BRINP2: variants seen among roughly 807,000 people sequenced by gnomAD.
The protein encoded by BRINP2 is BMP/retinoic acid-inducible neural-specific protein 2.
A neutral mutation model predicts 69.2 loss-of-function variants in BRINP2; 21 were observed. That is an observed-to-expected ratio of 0.30 (90% CI 0.22 to 0.44). The LOEUF (loss-of-function observed/expected upper bound fraction) is 0.44, where lower values mean the gene tolerates loss of function less well. BRINP2 is among the 20% of genes least tolerant of loss of function. The pLI is 1.00. For synonymous variants in BRINP2, 380 were observed against 394.1 expected (o/e 0.96, Z 0.42); for missense variants, 877 against 986.0 (o/e 0.89, Z 1.48).
rs555534354 is a variant in BRINP2, at chr1:177,180,567, T to C, written c.-77+8835T>C. 1.7e-4 allele frequency among the ~76,000 whole-genome samples: 26 copies of C among 152,272 alleles called. 1 individual carries two copies. Among genetic ancestry groups the C allele is most frequent in the Admixed American group, 4.6e-4 (7 of 15,302 alleles). ...ACATATTCACAGTGGTTTTCATCTC[T>C]CAAAAAAGCAGTGGAAGACTTTCAT... On this transcript the variant is annotated intron_variant, in intron 1 of 7. Transcript: ENST00000361539.
chr1:177,280,135 A>C (rs1651642903), intron 7 of BRINP2, among the ~76,000 whole-genome samples: 1 of 152,218 alleles, frequency 6.6e-6, no homozygotes, highest in East Asian at 1.9e-4. Context: ...TTTTTGAATA[A>C]GGGAATGAAG....
At chr1:177,265,920 A>C (rs1400695765) in intron 4 of BRINP2, among the ~76,000 whole-genome samples, 1 of 151,870 alleles carries the variant, frequency 6.6e-6, no homozygotes, top group Non-Finnish European at 1.5e-5. Context: ...GGAGATGGAG[A>C]CCATCCTGGC....
At chr1:177,190,130 A>G (rs2102295909) in intron 1 of BRINP2, among the ~76,000 whole-genome samples, 1 of 152,352 alleles carries the variant, frequency 6.6e-6, no homozygotes, top group Non-Finnish European at 1.5e-5. Flanking sequence ...ACTCCAGACT[A>G]GAATGATAGG....
chr1:177,215,932 G>A (rs1481556688), intron 1 of BRINP2, among the ~76,000 whole-genome samples: 2 of 151,932 alleles, frequency 1.3e-5, no homozygotes, highest in Non-Finnish European at 2.9e-5. Context: ...TTTTGTCTAA[G>A]TATCACTGCC....
At chr1:177,196,496 T>C (rs931427184) in intron 1 of BRINP2, among the ~76,000 whole-genome samples, 4 of 152,068 alleles carry the variant, frequency 2.6e-5, no homozygotes, top group African/African-American at 4.8e-5. Flanking sequence ...TGCATGCCTG[T>C]AATCCCAGCT....
intron 2 of BRINP2, among the ~76,000 whole-genome samples, chr1:177,235,319 G>A (rs148755285): frequency 6.6e-5 from 10 of 152,260 alleles, no homozygotes; most frequent in African/African-American, 1.4e-4. Context: ...AGCACAGAAC[G>A]TGTACTGGAA....
At chr1:177,233,667 T>A (rs1318796257) in intron 2 of BRINP2, among the ~76,000 whole-genome samples, 2 of 152,172 alleles carry the variant, frequency 1.3e-5, no homozygotes, top group Non-Finnish European at 2.9e-5. Context: ...GGAACTCAAC[T>A]GAAGAATAAT....
intron 1 of BRINP2, among the ~76,000 whole-genome samples, chr1:177,197,910 G>T (rs1427039748): frequency 6.6e-6 from 1 of 152,134 alleles, no homozygotes; most frequent in Non-Finnish European, 1.5e-5. Context: ...AGAGAAAGGT[G>T]TTTCCACTTT....
At chr1:177,176,821 A>G (rs526814) in intron 1 of BRINP2, among the ~76,000 whole-genome samples, 152,061 of 152,264 alleles carry the variant, frequency 1, 75,930 homozygotes, top group Middle Eastern at 1. Flanking sequence ...GGGAAGCATT[A>G]CAGCTCTCAG....
At chr1:177,197,522 G>A (rs1235270383) in intron 1 of BRINP2, among the ~76,000 whole-genome samples, 2 of 152,210 alleles carry the variant, frequency 1.3e-5, no homozygotes, top group Non-Finnish European at 2.9e-5. Flanking sequence ...GAGAAGCCAT[G>A]TGAGGACATA....
Position 177,172,975 on chromosome 1 carries a change from A to G in BRINP2, c.-77+1243A>G, listed in dbSNP as rs115173135. On this transcript the variant is annotated intron_variant, in intron 1 of 7. Coordinates refer to ENST00000361539, the MANE Select transcript of BRINP2 (RefSeq NM_021165.4). ...GTGCATGTTGAAGTGACTCTCTCTG[A>G]CCATGCTCGCTAAAATACATGCAAT... is the stretch of plus-strand genomic sequence containing the variant. Among the ~76,000 whole-genome samples the G allele has an allele frequency of 8.6e-3, 1,305 of 152,292 alleles. 25 individuals are homozygous for G. Among genetic ancestry groups the G allele is most frequent in the African/African-American group, 0.029 (1,188 of 41,572 alleles).
At position 177,215,433 on chromosome 1, in the gene BRINP2, C is replaced by T. The variant is rs529230651; in HGVS notation, c.-76-14368C>T. Among the ~76,000 whole-genome samples the T allele has an allele frequency of 9.9e-5, 15 of 152,220 alleles. No individual in the cohort carries two copies. In the East Asian group the frequency reaches 2.1e-3, roughly 22 times the overall value. Reference sequence around the variant, plus strand: ...GAGTTCACTTCATTGATTAAATTTACTCCTAATTTTTTTATAGCCATTGTA... The same window carrying T: ...GAGTTCACTTCATTGATTAAATTTATTCCTAATTTTTTTATAGCCATTGTA... On this transcript the variant is annotated intron_variant, in intron 1 of 7. Coordinates refer to ENST00000361539, the MANE Select transcript of BRINP2 (RefSeq NM_021165.4).
intron 4 of BRINP2, among the ~76,000 whole-genome samples, chr1:177,267,034 G>A (rs548367251): frequency 6.6e-6 from 1 of 152,136 alleles, no homozygotes; most frequent in African/African-American, 2.4e-5. Flanking sequence ...GTGGGTAAAG[G>A]TTTGTTGAAT....
intron 1 of BRINP2, among the ~76,000 whole-genome samples, chr1:177,217,578 C>T (rs1444656077): frequency 2.6e-5 from 4 of 151,952 alleles, no homozygotes; most frequent in South Asian, 4.1e-4. Flanking sequence ...ATCCTTGTAT[C>T]CTTGTATCGG....
chr1:177,241,693 T>G (rs982279339), intron 2 of BRINP2, among the ~76,000 whole-genome samples: 3 of 152,222 alleles, frequency 2.0e-5, no homozygotes, highest in African/African-American at 7.2e-5. Flanking sequence ...ACTCAAGAAT[T>G]TTGTCATGGA....
At chr1:177,183,265 A>G (rs1305009740) in intron 1 of BRINP2, among the ~76,000 whole-genome samples, 1 of 151,514 alleles carries the variant, frequency 6.6e-6, no homozygotes, top group East Asian at 1.9e-4. Context: ...AAGAAAAAAA[A>G]AAGCCACAAC....
intron 7 of BRINP2, 55 bp downstream of exon 7, chr1:177,278,840 T>C: frequency 6.4e-7 from 1 of 1,561,944 alleles, no homozygotes; most frequent in East Asian, 2.2e-5. Context: ...TGACAGCTGC[T>C]GAGGCCAAGG....
At chr1:177,190,455 T>C (rs1017268607) in intron 1 of BRINP2, among the ~76,000 whole-genome samples, 1 of 152,218 alleles carries the variant, frequency 6.6e-6, no homozygotes, top group African/African-American at 2.4e-5. Flanking sequence ...GCAATCTCTT[T>C]CTCTTGTTCT....
intron 2 of BRINP2, among the ~76,000 whole-genome samples, chr1:177,235,925 G>A (rs1650007323): frequency 6.6e-6 from 1 of 152,182 alleles, no homozygotes; most frequent in African/African-American, 2.4e-5. Flanking sequence ...GTTGATCTCT[G>A]AACTTTTCAC....
Sources: allele counts gnomAD v4.1 joint callset (sites outside exome capture counted in the v4.1 genomes callset), GRCh38; gene constraint gnomAD v4.1.1; transcripts MANE v1.5; gene names NCBI Gene and HGNC (gene_info 2026-07-23, HGNC 2026-07-21).